The following PLCE1 variants were observed in gnomAD, a reference collection of about 807,000 sequenced individuals.
PLCE1 encodes the protein 1-phosphatidylinositol 4,5-bisphosphate phosphodiesterase epsilon-1.
A neutral mutation model predicts 242.8 loss-of-function variants in PLCE1; 119 were observed. The ratio of observed to expected loss-of-function variants is 0.49; its 90% CI spans 0.42 to 0.57. The LOEUF is 0.57. PLCE1 is among the 20% of genes least tolerant of loss of function. The pLI, the probability that PLCE1 is intolerant of heterozygous loss-of-function variation, is 0.00. For missense variants in PLCE1, 2,441 were observed against 2,788.8 expected (o/e 0.88, Z 2.81); for synonymous variants, 945 against 1,017.4 (o/e 0.93, Z 1.35).
intron 3 of PLCE1, among the ~76,000 whole-genome samples, chr10:94,164,108 G>A (rs941977450): frequency 2.6e-5 from 4 of 152,034 alleles, no homozygotes; most frequent in Non-Finnish European, 5.9e-5. Flanking sequence ...TTCAACTTTG[G>A]TGAATCTGAC....
chr10:94,031,964 T>G lies in PLCE1; in HGVS notation c.918T>G (p.Asn306Lys), dbSNP rs768558197. ...FLSHFEDFPD[N>K]CDDVEEDAFK... ...GCCATTTTGAGGACTTCCCTGATAA[T>G]TGTGATGATGTAGAAGAAGACGCTT... Residue 306 changes from asparagine to lysine, a missense_variant, in exon 2 of 33, where the codon AAT becomes AAG. By Grantham distance (94) the Asn-to-Lys change is moderately conservative (BLOSUM62 0). This residue lies in a region of PLCE1 where 393 missense variants were observed against 378.5 expected (regional missense o/e 1.04). Transcript: ENST00000371380. 43 of 1,613,652 alleles carry G rather than the reference T, an allele frequency of 2.7e-5. No homozygotes were observed. Among genetic ancestry groups the G allele is most frequent in the Non-Finnish European group, 3.4e-5 (40 of 1,179,780 alleles).
intron 2 of PLCE1, among the ~76,000 whole-genome samples, chr10:94,096,058 C>G (rs1053639115): frequency 1.3e-5 from 2 of 152,130 alleles, no homozygotes; most frequent in African/African-American, 4.8e-5. Flanking sequence ...ACTTCATTGC[C>G]CATTCCCAGA....
intron 1 of PLCE1, among the ~76,000 whole-genome samples, chr10:94,003,721 G>A (rs1435476410): frequency 6.6e-6 from 1 of 152,182 alleles, no homozygotes; most frequent in African/African-American, 2.4e-5. Context: ...TTATGTGGGC[G>A]AGTATAAGGA....
intron 3 of PLCE1, among the ~76,000 whole-genome samples, chr10:94,163,482 TG>T (rs1332596504): frequency 0.015 from 2,272 of 152,304 alleles, 65 homozygotes; most frequent in African/African-American, 0.051. Context: ...TTGCAACCCC[TG>T]CCTTTTTTTG....
intron 5 of PLCE1, 81 bp downstream of exon 5, chr10:94,227,532 C>T (rs1564807271): frequency 6.9e-6 from 9 of 1,303,904 alleles, no homozygotes; most frequent in Non-Finnish European, 1.0e-5. Context: ...TGTCCAGGGA[C>T]TCACCTTTAC....
At chr10:94,234,342 A>C (rs1197864194) in intron 6 of PLCE1, 30 bp downstream of exon 6, 1 of 1,611,048 alleles carries the variant, frequency 6.2e-7, no homozygotes, top group Non-Finnish European at 8.5e-7. Context: ...TCGTGGCCTG[A>C]AGAGCCACTG....
intron 2 of PLCE1, among the ~76,000 whole-genome samples, chr10:94,073,052 C>T (rs1441742348): frequency 6.6e-6 from 1 of 152,072 alleles, no homozygotes; most frequent in East Asian, 1.9e-4. Flanking sequence ...CCACTTCCTA[C>T]CCCAGGGCAC....
intron 4 of PLCE1, among the ~76,000 whole-genome samples, chr10:94,199,782 T>G (rs2048936712): frequency 6.7e-6 from 1 of 148,518 alleles, no homozygotes; most frequent in South Asian, 2.3e-4. Flanking sequence ...TCAGCAGGAA[T>G]GGAGTCAGCA....
intron 3 of PLCE1, among the ~76,000 whole-genome samples, chr10:94,146,030 T>C (rs1177882470): frequency 6.6e-6 from 1 of 152,134 alleles, no homozygotes; most frequent in Non-Finnish European, 1.5e-5. Context: ...GTCCATTTGG[T>C]AGCTGTGGTT....
At chr10:94,200,818 C>T (rs184283180) in intron 4 of PLCE1, among the ~76,000 whole-genome samples, 1 of 152,262 alleles carries the variant, frequency 6.6e-6, no homozygotes, top group Admixed American at 6.5e-5. Flanking sequence ...TTGCATTTGA[C>T]CTCCGTGGTC....
At chr10:94,107,498 T>C (rs2135573008) in intron 2 of PLCE1, 1 of 152,250 alleles carries the variant, frequency 6.6e-6, no homozygotes, top group East Asian at 1.9e-4. Flanking sequence ...AGATACCCCA[T>C]GAAGTTACAG....
At chr10:94,162,820 G>A (rs536519491) in intron 3 of PLCE1, among the ~76,000 whole-genome samples, 1 of 152,266 alleles carries the variant, frequency 6.6e-6, no homozygotes, top group African/African-American at 2.4e-5. Context: ...TCTACACACT[G>A]CTTTAAATGT....
rs761311900 is a variant in PLCE1, at chr10:94,324,007, C to T, written c.6502-342C>T. Among the ~76,000 whole-genome samples, 10 of 152,128 alleles carry T rather than the reference C, an allele frequency of 6.6e-5. No individual in the cohort carries two copies. In the South Asian group the frequency reaches 1.0e-3, roughly 16 times the overall value. On this transcript the variant is annotated intron_variant, in intron 30 of 32. Coordinates refer to ENST00000371380, the MANE Select transcript of PLCE1 (RefSeq NM_016341.4). ...ACTGGCTGACTTTCATGTCTGTGAGCGCTGGTACATGCAGAAAATCTGGTT... is the reference window on the plus strand; with the variant it reads ...ACTGGCTGACTTTCATGTCTGTGAGTGCTGGTACATGCAGAAAATCTGGTT...
intron 2 of PLCE1, among the ~76,000 whole-genome samples, chr10:94,101,463 A>G (rs2045533562): frequency 6.6e-6 from 1 of 152,224 alleles, no homozygotes; most frequent in South Asian, 2.1e-4. Flanking sequence ...GATATTGAGT[A>G]GATAAAGAAT....
At chr10:94,106,944 C>CTCTCTCTCTCTCTCTCTCTCTCTCT (rs1554855409) in intron 2 of PLCE1, 6 of 126,272 alleles carry the variant, frequency 4.8e-5, no homozygotes, top group East Asian at 4.6e-4. Context: ...CTCTCTCTCT[C>CTCTCTCTCTCTCTCTCTCTCTCTCT]CCCCTCCCCT....
At chr10:94,302,689 T>C (rs1222847430) in intron 24 of PLCE1, among the ~76,000 whole-genome samples, 1 of 152,196 alleles carries the variant, frequency 6.6e-6, no homozygotes, top group African/African-American at 2.4e-5. Flanking sequence ...TTACTCGTTA[T>C]GTTTCTTGGG....
In PLCE1 at chr10:94,234,296, A is replaced by G. The variant is rs373425084; in HGVS notation, c.2198A>G (p.Gln733Arg). Residue 733 changes from glutamine to arginine, a missense_variant, in exon 6 of 33, where the codon CAA becomes CGA. Physicochemically the swap from Gln to Arg is conservative, Grantham distance 43. Around this residue, in one of 5 missense-constraint regions of PLCE1, gnomAD observed 733 missense variants for 754.2 expected, o/e 0.97. Coordinates refer to ENST00000371380, the MANE Select transcript of PLCE1 (RefSeq NM_016341.4). ...AAGCTTTGCCCGCGGTACAATTCCC[A>G]AGAAGAAACTTTAGAGGTAAGGCCT... ...LMKLCPRYNS[Q>R]EETLEFVADY... is the part of the protein sequence containing the mutation. 20 of 1,613,942 alleles carry G rather than the reference A, an allele frequency of 1.2e-5. No homozygotes were observed. In the African/African-American group the frequency reaches 1.9e-4, roughly 15 times the overall value.
chr10:94,106,021 C>G (rs2135549316), intron 2 of PLCE1: 1 of 152,274 alleles, frequency 6.6e-6, no homozygotes, highest in East Asian at 1.9e-4. Flanking sequence ...GTTAAGTTAC[C>G]TCTCTATGAT....
At chr10:94,225,897 G>A (rs939186085) in intron 4 of PLCE1, among the ~76,000 whole-genome samples, 1 of 152,174 alleles carries the variant, frequency 6.6e-6, no homozygotes. Context: ...GTTGTCATGG[G>A]TCACCATAAA....
Sources: allele counts gnomAD v4.1 joint callset (sites outside exome capture counted in the v4.1 genomes callset), GRCh38; gene constraint gnomAD v4.1.1; regional missense constraint gnomAD v4.1.1; transcripts MANE v1.5; gene names NCBI Gene and HGNC (gene_info 2026-07-23, HGNC 2026-07-21).